The following TMEM167A variants were observed in gnomAD, a reference collection of about 807,000 sequenced individuals.
TMEM167A encodes transmembrane protein 167A.
Under a neutral mutation model 11.6 loss-of-function variants are expected in TMEM167A, and 8 were observed. That is an observed-to-expected ratio of 0.69 (90% CI 0.40 to 1.24). TMEM167A has a LOEUF of 1.24. Ranked by LOEUF, TMEM167A falls within the 50% of genes most tolerant of loss-of-function variation. The pLI is 0.01. For synonymous variants in TMEM167A, 22 were observed against 28.0 expected (o/e 0.79, Z 0.67); for missense variants, 62 against 87.0 (o/e 0.71, Z 1.14).
intron 1 of TMEM167A, among the ~76,000 whole-genome samples, chr5:83,067,891 G>T (rs1456050024): frequency 6.6e-6 from 1 of 152,072 alleles, no homozygotes; most frequent in Non-Finnish European, 1.5e-5. Flanking sequence ...AGACAAAAAT[G>T]ATTTGTAATT....
At chr5:83,073,565 G>A (rs1055267909) in intron 1 of TMEM167A, among the ~76,000 whole-genome samples, 2 of 152,164 alleles carry the variant, frequency 1.3e-5, no homozygotes, top group Non-Finnish European at 1.5e-5. Flanking sequence ...CAGTGTTGAC[G>A]GTGCCGGGAG....
At chr5:83,075,788 A>C (rs1007245208) in intron 1 of TMEM167A, among the ~76,000 whole-genome samples, 1 of 152,106 alleles carries the variant, frequency 6.6e-6, no homozygotes, top group Non-Finnish European at 1.5e-5. Context: ...CAGGTTTATT[A>C]AGTCATTACC....
rs770491749 is a variant in TMEM167A, at chr5:83,077,340, C to T, written c.-17G>A. On this transcript the variant is annotated 5_prime_UTR_variant, in exon 1 of 4. Coordinates refer to ENST00000502346, the MANE Select transcript of TMEM167A (RefSeq NM_174909.5). ...TCTTACCATAGCGAGGCCGGCGATG[C>T]CGCAGCCACATCACCCTTCCGGGGC... The T allele has an allele frequency of 1.2e-6, 2 of 1,614,058 alleles. No homozygotes were observed. The highest frequency in any genetic ancestry group is 4.5e-5 in the East Asian group (2 of 44,886).
rs1744340700 is a variant in TMEM167A at position 83,056,936 on chromosome 5, T to A, written c.*148A>T. On this transcript the variant is annotated 3_prime_UTR_variant, in exon 4 of 4. Coordinates refer to ENST00000502346, the MANE Select transcript of TMEM167A (RefSeq NM_174909.5). Reference sequence around the variant, plus strand: ...TTGTTTATACAGAACATTGGTCCAATAACATTAAAATAGAGAACAGCATCT... The same window carrying A: ...TTGTTTATACAGAACATTGGTCCAAAAACATTAAAATAGAGAACAGCATCT... 1.4e-6 allele frequency: 1 copy of A among 732,502 alleles called. No individual in the cohort carries two copies. The highest frequency in any genetic ancestry group is 1.8e-5 in the African/African-American group (1 of 56,400). The allele number at this position is 732,502 out of a possible 1,614,324, so 45.4% of individuals were successfully genotyped here. A position where few individuals can be genotyped will look rare whatever the true frequency, so the allele number is the denominator to read the frequency against.
intron 1 of TMEM167A, among the ~76,000 whole-genome samples, chr5:83,075,181 GT>G (rs1230589484): frequency 6.6e-6 from 1 of 152,042 alleles, no homozygotes; most frequent in Non-Finnish European, 1.5e-5. Flanking sequence ...TGTGAAAAGG[GT>G]TATGCTAGAG....
In TMEM167A at chr5:83,055,947, A is replaced by T. The variant is rs916093967; in HGVS notation, c.*1137T>A. 2.7e-4 allele frequency: 41 copies of T among 152,012 alleles called. No individual in the cohort carries two copies. The highest frequency in any genetic ancestry group is 9.4e-4 in the African/African-American group (39 of 41,418). The allele number at this position is 152,012 out of a possible 1,614,324, so 9.4% of individuals were successfully genotyped here. A position where few individuals can be genotyped will look rare whatever the true frequency, so the allele number is the denominator to read the frequency against. On this transcript the variant is annotated 3_prime_UTR_variant, in exon 4 of 4. Coordinates refer to ENST00000502346, the MANE Select transcript of TMEM167A (RefSeq NM_174909.5). ...CCTCGTAGCTCTGAAATTTTAACTG[A>T]ATTTTAGTTGAACCTTAAGAAATGT... is the stretch of plus-strand genomic sequence containing the variant.
Position 83,077,319 on chromosome 5 carries a change from A to T in TMEM167A, c.3+2T>A. On this transcript the variant is annotated splice_donor_variant, in intron 1 of 3. Coordinates refer to ENST00000502346, the MANE Select transcript of TMEM167A (RefSeq NM_174909.5). LOFTEE classifies it high-confidence loss of function. The stretch of plus-strand genomic sequence containing the variant: ...CCGCGACCTGGGAGCCCCACTTCTT[A>T]CCATAGCGAGGCCGGCGATGCCGCA... 6.2e-7 allele frequency: 1 copy of T among 1,614,150 alleles called. No homozygotes were observed. Among genetic ancestry groups the T allele is most frequent in the Non-Finnish European group, 8.5e-7 (1 of 1,180,004 alleles).
At chr5:83,075,108 C>G (rs928734732) in intron 1 of TMEM167A, among the ~76,000 whole-genome samples, 1 of 151,618 alleles carries the variant, frequency 6.6e-6, no homozygotes, top group Non-Finnish European at 1.5e-5. Context: ...GATTAAAATA[C>G]CTAGTCTTTA....
At chr5:83,061,483 A>C (rs1391239832) in intron 3 of TMEM167A, among the ~76,000 whole-genome samples, 1 of 152,180 alleles carries the variant, frequency 6.6e-6, no homozygotes, top group Non-Finnish European at 1.5e-5. Context: ...GATCTGGCTC[A>C]CTGCAACCTT....
rs1232163031 is a variant in TMEM167A, at chr5:83,077,355, C to T, written c.-32G>A. 1 of 1,614,160 alleles carries T rather than the reference C, an allele frequency of 6.2e-7. No homozygotes were observed. ...GCCGGCGATGCCGCAGCCACATCAC[C>T]CTTCCGGGGCTCAGGCGGAAGAGGC... On this transcript the variant is annotated 5_prime_UTR_variant, in exon 1 of 4. Transcript: ENST00000502346.
intron 3 of TMEM167A, among the ~76,000 whole-genome samples, chr5:83,060,691 C>T (rs189360658): frequency 9.2e-5 from 14 of 151,816 alleles, no homozygotes; most frequent in Admixed American, 9.2e-4. Flanking sequence ...ATTAGCTGGG[C>T]GTGGTGGTGG....
intron 1 of TMEM167A, 22 bp downstream of exon 1, chr5:83,077,299 A>G (rs1174465056): frequency 6.2e-7 from 1 of 1,614,134 alleles, no homozygotes; most frequent in Non-Finnish European, 8.5e-7. Flanking sequence ...ATCAACCGCG[A>G]CCTGGGAGCC....
intron 1 of TMEM167A, among the ~76,000 whole-genome samples, chr5:83,076,513 G>T (rs1213746464): frequency 1.3e-5 from 2 of 152,230 alleles, no homozygotes; most frequent in Admixed American, 6.5e-5. Context: ...TTCCCACCAG[G>T]TGGTAAATTC....
chr5:83,070,305 T>C (rs928682938), intron 1 of TMEM167A, among the ~76,000 whole-genome samples: 1 of 152,190 alleles, frequency 6.6e-6, no homozygotes, highest in African/African-American at 2.4e-5. Flanking sequence ...GAGAGCTATG[T>C]CATTCTTCTA....
rs1744291658 is a variant in TMEM167A, at chr5:83,053,789, C to G, written c.*3295G>C. On this transcript the variant is annotated 3_prime_UTR_variant, in exon 4 of 4. Transcript: ENST00000502346. ...CTTAAGCAGTGCTCCTCTGGAAGTT[C>G]ACACCCTAACTGAACTGTCACTCTT... The G allele has an allele frequency of 6.6e-6, 1 of 152,072 alleles. No individual in the cohort carries two copies. The highest frequency in any genetic ancestry group is 2.4e-5 in the African/African-American group (1 of 41,442). The allele number at this position is 152,072 out of a possible 1,614,324, so 9.4% of individuals were successfully genotyped here. A position where few individuals can be genotyped will look rare whatever the true frequency, so the allele number is the denominator to read the frequency against.
At chr5:83,076,763 T>C (rs1744676252) in intron 1 of TMEM167A, among the ~76,000 whole-genome samples, 1 of 152,210 alleles carries the variant, frequency 6.6e-6, no homozygotes, top group South Asian at 2.1e-4. Context: ...ATTAAGCTCC[T>C]AGAAGGGCAA....
At chr5:83,072,144 C>A (rs1318944193) in intron 1 of TMEM167A, among the ~76,000 whole-genome samples, 3 of 152,142 alleles carry the variant, frequency 2.0e-5, no homozygotes, top group Non-Finnish European at 4.4e-5. Context: ...ATGGTACCTA[C>A]AATTAATTTG....
chr5:83,073,294 A>G (rs575674761), intron 1 of TMEM167A, among the ~76,000 whole-genome samples: 2 of 152,328 alleles, frequency 1.3e-5, no homozygotes, highest in Admixed American at 1.3e-4. Flanking sequence ...GTAAGCCCTC[A>G]CTTAACGTCA....
chr5:83,067,293 T>C (rs1376345253), intron 1 of TMEM167A, among the ~76,000 whole-genome samples: 2 of 152,100 alleles, frequency 1.3e-5, no homozygotes, highest in African/African-American at 4.8e-5. Flanking sequence ...ATTTGAATCT[T>C]TTCTATATTT....
Sources: allele counts gnomAD v4.1 joint callset (sites outside exome capture counted in the v4.1 genomes callset), GRCh38; gene constraint gnomAD v4.1.1; transcripts MANE v1.5; gene names NCBI Gene and HGNC (gene_info 2026-07-23, HGNC 2026-07-21).